Variants in COMMD5 observed in about 807,000 individuals in gnomAD.
The protein encoded by COMMD5 is COMM domain containing 5, also known as COMM domain-containing protein 5.
In COMMD5, 10 loss-of-function variants were observed where a neutral mutation model predicts 6.9. That is an observed-to-expected ratio of 1.44 (90% CI 0.89 to 2.45). The LOEUF is 2.45. Among genes scored for constraint, COMMD5 ranks in the 30% most tolerant of loss-of-function variants. The pLI is 0.00. For missense variants in COMMD5, 234 were observed against 287.8 expected (o/e 0.81, Z 1.35); for synonymous variants, 127 against 125.3 (o/e 1.01, Z -0.09).
At chr8:144,844,097 T>C (rs1027301755) in intron 1 of COMMD5, among the ~76,000 whole-genome samples, 2 of 152,198 alleles carry the variant, frequency 1.3e-5, no homozygotes, top group Non-Finnish European at 2.9e-5. Context: ...AGGTCACACT[T>C]GTGTCCCAGG....
chr8:144,844,665 C>T (rs913058897), intron 1 of COMMD5, among the ~76,000 whole-genome samples: 10 of 144,028 alleles, frequency 6.9e-5, no homozygotes, highest in African/African-American at 1.0e-4. Flanking sequence ...GCCAAGATCA[C>T]GCCACTGCAC....
At chr8:144,842,523 T>C (rs1324195726) in intron 1 of COMMD5, 2 of 1,613,994 alleles carry the variant, frequency 1.2e-6, no homozygotes, top group African/African-American at 2.7e-5. Flanking sequence ...TTAAATGTGA[T>C]GAGTGTGGCA....
intron 1 of COMMD5, chr8:144,842,895 TATTG>T: frequency 6.2e-7 from 1 of 1,614,182 alleles, no homozygotes; most frequent in Non-Finnish European, 8.5e-7. Context: ...GCTCATATCT[TATTG>T]AACACCAGAG....
At chr8:144,843,451 G>A (rs569134801) in intron 1 of COMMD5, 11 of 252,964 alleles carry the variant, frequency 4.3e-5, no homozygotes, top group East Asian at 1.7e-4. Context: ...AGCTGGGCGT[G>A]GTGGCAGGCA....
In COMMD5 at chr8:144,844,068, G is replaced by A. The variant is rs188398988; in HGVS notation, c.*117-2325C>T. ...TACCAGTGCCAGGCACAGAAGCAAG[G>A]TGTCACAGCAAGGTTCTGAGGTCAC... On this transcript the variant is annotated intron_variant and NMD_transcript_variant, in intron 1 of 1. Transcript: ENST00000530332. 3.9e-5 allele frequency among the ~76,000 whole-genome samples: 6 copies of A among 152,312 alleles called. No individual in the cohort carries two copies. The East Asian group carries it at 7.7e-4, about 20-fold the overall frequency.
chr8:144,841,270 C>G (rs1281870534), exon 2 of COMMD5: 3 of 1,409,718 alleles, frequency 2.1e-6, no homozygotes, highest in Non-Finnish European at 1.9e-6. Flanking sequence ...TCCTGGGAGC[C>G]TTGAGCCCTG....
chr8:144,841,812 C>T (rs758526761), intron 1 of COMMD5: 33 of 1,614,042 alleles, frequency 2.0e-5, no homozygotes, highest in Non-Finnish European at 2.7e-5. Flanking sequence ...TATCTGACTG[C>T]TTGCAGGGGA....
intron 1 of COMMD5, chr8:144,842,962 T>C (rs1830149577): frequency 6.2e-7 from 1 of 1,613,972 alleles, no homozygotes; most frequent in Non-Finnish European, 8.5e-7. Flanking sequence ...CCTGGAAGGG[T>C]CCACCTTTGT....
chr8:144,843,786 A>G (rs1423545497), intron 1 of COMMD5: 2 of 152,170 alleles, frequency 1.3e-5, no homozygotes, highest in African/African-American at 4.8e-5. Context: ...TGAGTAGGTT[A>G]AAATAATTTA....
At chr8:144,840,132 G>T (rs1485349368), downstream of COMMD5, among the ~76,000 whole-genome samples, 1 of 152,208 alleles carries the variant, frequency 6.6e-6, no homozygotes, top group Admixed American at 6.5e-5. Context: ...GCAGGGGAAG[G>T]CTTGGGAGGA....
chr8:144,843,861 G>C (rs1019597216), intron 1 of COMMD5: 2 of 152,178 alleles, frequency 1.3e-5, no homozygotes, highest in African/African-American at 4.8e-5. Flanking sequence ...AAATGCATTA[G>C]CTCATGTTGG....
At chr8:144,845,489 AGGT>A (rs1274047739), downstream of COMMD5, among the ~76,000 whole-genome samples, 3 of 152,152 alleles carry the variant, frequency 2.0e-5, no homozygotes, top group East Asian at 5.8e-4. Context: ...GGCTGATGGC[AGGT>A]GGCTTGCTCA....
chr8:144,841,807 G>A (rs753749372), intron 1 of COMMD5: 4 of 1,614,202 alleles, frequency 2.5e-6, no homozygotes, highest in Non-Finnish European at 1.7e-6. Context: ...AAAGTTATCT[G>A]ACTGCTTGCA....
At chr8:144,841,490 C>T in exon 2 of COMMD5, 1 of 1,614,158 alleles carries the variant, frequency 6.2e-7, no homozygotes, top group Non-Finnish European at 8.5e-7. Context: ...GTTTCTGATT[C>T]TGAGGTCTGG....
At chr8:144,844,391 A>G (rs73716289) in intron 1 of COMMD5, among the ~76,000 whole-genome samples, 1,747 of 152,106 alleles carry the variant, frequency 0.011, 31 homozygotes, top group African/African-American at 0.038. Context: ...GAACGCGGTG[A>G]GGAGGAAATA....
exon 2 of COMMD5, chr8:144,841,677 T>TGC (rs1829931127): frequency 6.2e-7 from 1 of 1,613,630 alleles, no homozygotes; most frequent in Non-Finnish European, 8.5e-7. Context: ...AGGGAGAGAG[T>TGC]GCGGAAGGGA....
At chr8:144,850,125 A>T (rs1223198760), downstream of COMMD5, 1 of 155,050 alleles carries the variant, frequency 6.4e-6, no homozygotes, top group African/African-American at 2.4e-5. This position sits in a 1 kb window ranked among gnomAD's most constrained non-coding sequence, Gnocchi z 4.0. Flanking sequence ...CCCCATCAGC[A>T]CGCAGACCCC....
rs1052232355 is a variant in COMMD5, at chr8:144,852,968, C to G, written c.-187G>C. 1 of 152,504 alleles carries G rather than the reference C, an allele frequency of 6.6e-6. No individual in the cohort carries two copies. The highest frequency in any genetic ancestry group is 2.4e-5 in the African/African-American group (1 of 41,474). The allele number at this position is 152,504 out of a possible 1,614,324, so 9.4% of individuals were successfully genotyped here. A position where few individuals can be genotyped will look rare whatever the true frequency, so the allele number is the denominator to read the frequency against. On this transcript the variant is annotated 5_prime_UTR_variant, in exon 1 of 2. Coordinates refer to ENST00000305103, the MANE Select transcript of COMMD5 (RefSeq NM_014066.4). ...CTCCATCCTACTCCACCCCACGCTC[C>G]CGCTGTCCGAGTCGCCCCCAGCACC...
At chr8:144,842,078 A>G in intron 1 of COMMD5, 1 of 1,614,176 alleles carries the variant, frequency 6.2e-7, no homozygotes, top group Non-Finnish European at 8.5e-7. Flanking sequence ...CTCATCCACC[A>G]TCAGAGAATC....
Sources: gnomAD v4.1 joint callset for allele counts (sites outside exome capture counted in the v4.1 genomes callset) on GRCh38, gnomAD v4.1.1 for gene constraint, Gnocchi (gnomAD v3.1) non-coding constraint, MANE v1.5 for transcripts, NCBI Gene and HGNC (gene_info 2026-07-23, HGNC 2026-07-21) for gene names.